PPIL4: variants seen among roughly 807,000 people sequenced by gnomAD.
PPIL4 encodes the protein peptidyl-prolyl cis-trans isomerase-like 4.
PPIL4 carries 50 observed loss-of-function variants against 69.1 expected under a neutral mutation model. That is an observed-to-expected ratio of 0.72 (90% confidence interval 0.58 to 0.92). PPIL4 has a LOEUF of 0.92. Ranked by LOEUF, PPIL4 falls within the 40% of genes least tolerant of loss-of-function variation. The pLI is 0.00. For missense variants in PPIL4, 480 were observed against 587.9 expected, an observed-to-expected ratio of 0.82 and a Z score of 1.90; for synonymous variants, 193 against 191.6, an observed-to-expected ratio of 1.01 and a Z score of -0.06.
chr6:149,522,963 A>G (rs1314065881), intron 9 of PPIL4, among the ~76,000 whole-genome samples: 1 of 152,198 alleles, frequency 6.6e-6, no homozygotes, highest in South Asian at 2.1e-4. Flanking sequence ...AATGTATGAA[A>G]AACGAAACAA....
At chr6:149,514,095 A>G (rs1035561357) in intron 11 of PPIL4, among the ~76,000 whole-genome samples, 11 of 152,238 alleles carry the variant, frequency 7.2e-5, no homozygotes, top group Admixed American at 5.9e-4. Flanking sequence ...TCACTTCTAC[A>G]TAAGATCAAA....
chr6:149,518,781 T>C (rs1242396075), intron 10 of PPIL4, among the ~76,000 whole-genome samples: 1 of 152,246 alleles, frequency 6.6e-6, no homozygotes, highest in African/African-American at 2.4e-5. Flanking sequence ...CAGATTAATG[T>C]AAGAGGTTCT....
At chr6:149,531,550 A>C (rs1386734132) in intron 7 of PPIL4, among the ~76,000 whole-genome samples, 1 of 152,048 alleles carries the variant, frequency 6.6e-6, no homozygotes, top group Admixed American at 6.6e-5. Flanking sequence ...AAAAAGGAAA[A>C]TATTCTACAA....
At chr6:149,515,568 T>C (rs372492029) in intron 11 of PPIL4, among the ~76,000 whole-genome samples, 8 of 152,182 alleles carry the variant, frequency 5.3e-5, no homozygotes, top group Admixed American at 1.3e-4. Context: ...TGGTTTTTTT[T>C]CCCCACTCCA....
intron 6 of PPIL4, 54 bp downstream of exon 6, chr6:149,534,623 TC>T: frequency 1.1e-6 from 1 of 895,966 alleles, no homozygotes; most frequent in South Asian, 1.7e-5. Context: ...AAAAGATAAA[TC>T]CATACAAATC....
At chr6:149,523,638 C>T (rs1176285313) in intron 9 of PPIL4, among the ~76,000 whole-genome samples, 1 of 151,474 alleles carries the variant, frequency 6.6e-6, no homozygotes, top group Non-Finnish European at 1.5e-5. Flanking sequence ...TTGCAGTGAG[C>T]TGAGATCATG....
intron 4 of PPIL4, among the ~76,000 whole-genome samples, chr6:149,538,089 AC>A (rs1777305788): frequency 6.6e-6 from 1 of 151,738 alleles, no homozygotes; most frequent in African/African-American, 2.4e-5. Context: ...ACATGGTGAA[AC>A]CCCATTTCTA....
chr6:149,531,903 C>T (rs966557027), intron 7 of PPIL4, among the ~76,000 whole-genome samples: 17 of 152,038 alleles, frequency 1.1e-4, no homozygotes, highest in African/African-American at 1.4e-4. Context: ...CTCCTGACCT[C>T]GTGATCCACC....
chr6:149,542,658 A>AG (rs397787246), intron 1 of PPIL4, among the ~76,000 whole-genome samples: 2 of 152,192 alleles, frequency 1.3e-5, no homozygotes, highest in African/African-American at 2.4e-5. Flanking sequence ...TGGTAAAAAA[A>AG]GTAGTTTTAA....
At position 149,517,092 on chromosome 6, in the gene PPIL4, A is replaced by T. The variant is rs184132875; in HGVS notation, c.1079+262T>A. Reference sequence around the variant, plus strand: ...AGTAGGAAAGTACTTAACCTAGAGTAGGAAAGTATTAATAAAAGAATTAGG... The same window carrying T: ...AGTAGGAAAGTACTTAACCTAGAGTTGGAAAGTATTAATAAAAGAATTAGG... On this transcript the variant is annotated intron_variant, in intron 11 of 12. Coordinates refer to ENST00000253329, the MANE Select transcript of PPIL4 (RefSeq NM_139126.4). 40 of 257,968 alleles carry T rather than the reference A, an allele frequency of 1.6e-4. No homozygotes were observed. In the East Asian group the frequency reaches 3.2e-3, roughly 20 times the overall value. The allele number at this position is 257,968 out of a possible 1,614,324, so 16.0% of individuals were successfully genotyped here.
intron 1 of PPIL4, among the ~76,000 whole-genome samples, chr6:149,544,574 G>A (rs946229751): frequency 1.3e-5 from 2 of 152,224 alleles, no homozygotes; most frequent in Non-Finnish European, 2.9e-5. Context: ...AATGTGTCAT[G>A]TGGTTTATAA....
chr6:149,513,858 AG>A (rs1221463682), intron 11 of PPIL4, among the ~76,000 whole-genome samples: 1 of 152,220 alleles, frequency 6.6e-6, no homozygotes, highest in East Asian at 1.9e-4. Context: ...AATATAAAAG[AG>A]TTACGATTTC....
intron 7 of PPIL4, among the ~76,000 whole-genome samples, chr6:149,529,064 T>C (rs1463330877): frequency 1.3e-5 from 2 of 151,802 alleles, no homozygotes; most frequent in African/African-American, 2.4e-5. Context: ...ACTCCATCTC[T>C]ACAAAAAAAT....
intron 12 of PPIL4, among the ~76,000 whole-genome samples, chr6:149,506,079 A>G (rs1206515396): frequency 6.6e-6 from 1 of 152,216 alleles, no homozygotes; most frequent in African/African-American, 2.4e-5. Flanking sequence ...TGGTCCCATT[A>G]TTGATCTGCA....
intron 1 of PPIL4, among the ~76,000 whole-genome samples, chr6:149,544,167 C>T (rs1206570209): frequency 6.6e-6 from 1 of 152,126 alleles, no homozygotes; most frequent in African/African-American, 2.4e-5. Flanking sequence ...TTGCCAGGTG[C>T]TACTCTACAT....
At chr6:149,543,414 C>A (rs1777393566) in intron 1 of PPIL4, among the ~76,000 whole-genome samples, 1 of 151,984 alleles carries the variant, frequency 6.6e-6, no homozygotes, top group Admixed American at 6.6e-5. Context: ...GGGGGAGAAC[C>A]AATAGATTAA....
intron 11 of PPIL4, among the ~76,000 whole-genome samples, chr6:149,513,412 A>AATATATATATATAT (rs1200919281): frequency 1.8e-4 from 10 of 55,328 alleles, no homozygotes; most frequent in African/African-American, 6.8e-4. Context: ...AAAAAAAAAA[A>AATATATATATATAT]ATATATATAT....
intron 7 of PPIL4, among the ~76,000 whole-genome samples, chr6:149,527,547 G>A (rs992297848): frequency 6.6e-6 from 1 of 152,054 alleles, no homozygotes; most frequent in Non-Finnish European, 1.5e-5. Flanking sequence ...AAGAATTTAT[G>A]TAAAGTACAT....
Position 149,526,454 on chromosome 6 carries a change from G to A in PPIL4, c.803+198C>T, listed in dbSNP as rs180988665. Among the ~76,000 whole-genome samples, 1,294 of 152,204 alleles carry A rather than the reference G, an allele frequency of 8.5e-3. 10 individuals are homozygous for A. Among genetic ancestry groups the A allele is most frequent in the Middle Eastern group, 0.02 (6 of 294 alleles). On this transcript the variant is annotated intron_variant, in intron 8 of 12. Coordinates refer to ENST00000253329, the MANE Select transcript of PPIL4 (RefSeq NM_139126.4). Reference sequence around the variant, plus strand: ...GTGGGAGATTCAATTATTTATCTGTGTGTGTGTGTGCACGTATGTATGTAT... The same window carrying A: ...GTGGGAGATTCAATTATTTATCTGTATGTGTGTGTGCACGTATGTATGTAT...
Sources: allele counts gnomAD v4.1 joint callset (sites outside exome capture counted in the v4.1 genomes callset), GRCh38; gene constraint gnomAD v4.1.1; transcripts MANE v1.5; gene names NCBI Gene and HGNC (gene_info 2026-07-23, HGNC 2026-07-21).